The following GLP1R variants were observed in gnomAD, a reference collection of about 807,000 sequenced individuals.
The protein encoded by GLP1R is glucagon like peptide 1 receptor.
Under a neutral mutation model 68.4 loss-of-function variants are expected in GLP1R, and 32 were observed. The observed-to-expected ratio is 0.47, with a 90% CI of 0.35 to 0.63. GLP1R has a LOEUF of 0.63. Among genes scored for constraint, GLP1R ranks in the 20% least tolerant of loss-of-function variants. The probability of loss-of-function intolerance (pLI) is 0.00; values close to 1 mark genes in which losing one functional copy is unlikely to be tolerated. For missense variants in GLP1R, 502 were observed against 594.9 expected (o/e 0.84, Z 1.62); for synonymous variants, 263 against 244.4 (o/e 1.08, Z -0.71).
intron 1 of GLP1R, among the ~76,000 whole-genome samples, chr6:39,053,410 T>C (rs1425030964): frequency 1.3e-5 from 2 of 152,240 alleles, no homozygotes. Context: ...TTAAGCAGAA[T>C]GATTGGTCAT....
chr6:39,081,464 A>C (rs1769012628), intron 12 of GLP1R, among the ~76,000 whole-genome samples: 1 of 152,142 alleles, frequency 6.6e-6, no homozygotes, highest in South Asian at 2.1e-4. Flanking sequence ...TCTCCTGAAA[A>C]TGTCTGCAGG....
At chr6:39,084,937 G>A (rs948393190) in intron 12 of GLP1R, among the ~76,000 whole-genome samples, 7 of 152,154 alleles carry the variant, frequency 4.6e-5, no homozygotes, top group Non-Finnish European at 8.8e-5. Context: ...TTGGCCTAAA[G>A]GGAAGGGCCC....
chr6:39,076,028 C>A (rs1163198734), intron 7 of GLP1R, among the ~76,000 whole-genome samples: 1 of 152,164 alleles, frequency 6.6e-6, no homozygotes, highest in Non-Finnish European at 1.5e-5. Flanking sequence ...TGCAGCAGGG[C>A]TTTCGTGACT....
At chr6:39,053,203 T>A (rs1768128610) in intron 1 of GLP1R, among the ~76,000 whole-genome samples, 1 of 152,164 alleles carries the variant, frequency 6.6e-6, no homozygotes, top group Non-Finnish European at 1.5e-5. Context: ...CTGGATTGCA[T>A]CCTTCCCGCT....
rs1172319568 is a variant in GLP1R at position 39,057,589 on chromosome 6, C to G, written c.283+10C>G. The G allele has an allele frequency of 2.6e-6, 4 of 1,521,902 alleles. No homozygotes were observed. Among genetic ancestry groups the G allele is most frequent in the Non-Finnish European group, 1.8e-6 (2 of 1,109,228 alleles). The allele number at this position is 1,521,902 out of a possible 1,614,324, so 94.3% of individuals were successfully genotyped here. On this transcript the variant is annotated intron_variant, in intron 3 of 12. Transcript: ENST00000373256. ...CCCTGGGCCAGCAGTGGTGAGCCCC[C>G]TCCCCGACCTGGTACCTGCCCTGGG...
chr6:39,073,691 G>A lies in GLP1R; in HGVS notation c.745G>A (p.Val249Met), dbSNP rs144690684. 3.9e-5 allele frequency: 63 copies of A among 1,613,376 alleles called. No individual in the cohort carries two copies. The East Asian group carries it at 5.8e-4, about 15-fold the overall frequency. ...ANYYWLLVEG[V>M]YLYTLLAFSV... ...TTACTACTGGCTCTTGGTGGAGGGCGTGTACCTGTACACACTGCTGGCCTT... is the reference window on the plus strand; with the variant it reads ...TTACTACTGGCTCTTGGTGGAGGGCATGTACCTGTACACACTGCTGGCCTT... The change falls in exon 7 of 13, where the codon GTG becomes ATG. Residue 249 changes from valine (V) to methionine (M), a missense_variant. Coordinates refer to ENST00000373256, the MANE Select transcript of GLP1R (RefSeq NM_002062.5).
intron 1 of GLP1R, among the ~76,000 whole-genome samples, chr6:39,052,163 G>A (rs1405209694): frequency 6.6e-6 from 1 of 151,994 alleles, no homozygotes; most frequent in Admixed American, 6.6e-5. Context: ...GGGTTTTTGT[G>A]ACTGTAAGAA....
At chr6:39,071,702 T>C (rs1450901621) in intron 5 of GLP1R, among the ~76,000 whole-genome samples, 1 of 152,160 alleles carries the variant, frequency 6.6e-6, no homozygotes, top group Non-Finnish European at 1.5e-5. Context: ...GTGCCTTAGC[T>C]ACTGTAGATT....
At chr6:39,078,244 C>G in intron 7 of GLP1R, 78 bp from the exon 8 acceptor site, 1 of 1,006,340 alleles carries the variant, frequency 9.9e-7, no homozygotes, top group Non-Finnish European at 1.6e-6. Context: ...GGGCTTGGGG[C>G]AGGGAGAGGC....
rs1419667435 is a variant in GLP1R, at chr6:39,057,485, C to T, written c.189C>T (p.Asn63=). Residue 63 remains asparagine (N), a synonymous_variant, in exon 3 of 13, where the codon AAC becomes AAT. Transcript: ENST00000373256. ...TTCTGCTCCCAGACTTGTTCTGCAA[C>T]CGGACCTTCGATGAATACGCCTGCT... is the stretch of plus-strand genomic sequence containing the variant. The part of the protein sequence containing the change: ...DPPPATDLFC[N]RTFDEYACWP... The T allele has an allele frequency of 6.2e-7, 1 of 1,611,744 alleles. No individual in the cohort carries two copies.
At chr6:39,073,811 G>C (rs201821616) in intron 7 of GLP1R, 42 bp downstream of exon 7, 23 of 1,584,760 alleles carry the variant, frequency 1.5e-5, no homozygotes, top group African/African-American at 1.3e-5. Flanking sequence ...TGGCACGGGG[G>C]TGGGAGACCT....
chr6:39,073,084 A>G, intron 6 of GLP1R, 69 bp downstream of exon 6: 1 of 1,428,140 alleles, frequency 7.0e-7, no homozygotes, highest in Non-Finnish European at 9.7e-7. Context: ...CTGCCACCCT[A>G]GACAGGCCTG....
intron 5 of GLP1R, among the ~76,000 whole-genome samples, chr6:39,069,800 C>G (rs1768611284): frequency 6.6e-6 from 1 of 152,164 alleles, no homozygotes; most frequent in Non-Finnish European, 1.5e-5. Flanking sequence ...TGTTACATGA[C>G]TCCCCACTCT....
intron 2 of GLP1R, 35 bp downstream of exon 2, chr6:39,056,528 C>T: frequency 9.1e-7 from 1 of 1,096,796 alleles, no homozygotes; most frequent in Non-Finnish European, 1.4e-6. Context: ...TTTAGTGCTC[C>T]CCACCCAACC....
At chr6:39,082,088 C>G (rs1769023639) in intron 12 of GLP1R, among the ~76,000 whole-genome samples, 1 of 152,086 alleles carries the variant, frequency 6.6e-6, no homozygotes, top group African/African-American at 2.4e-5. Context: ...CAGAGGATGC[C>G]GTGCAGAGAA....
At position 39,079,237 on chromosome 6, in the gene GLP1R, G is replaced by GT; in HGVS notation, c.1043+37_1043+38insT. Reference sequence around the variant, plus strand: ...GAGCTGGCTTTACTGAGGACCCTCAGCAAGTGCCCCTTTCCTTCTAGCAGA... The same window carrying GT: ...GAGCTGGCTTTACTGAGGACCCTCAGTCAAGTGCCCCTTTCCTTCTAGCAGA... On this transcript the variant is annotated intron_variant, in intron 10 of 12. Coordinates refer to ENST00000373256, the MANE Select transcript of GLP1R (RefSeq NM_002062.5). The surrounding 1 kb of genome is among the most constrained non-coding windows in gnomAD (Gnocchi z 4.5). The GT allele has an allele frequency of 2.2e-6, 3 of 1,384,002 alleles. No homozygotes were observed. The highest frequency in any genetic ancestry group is 3.1e-6 in the Non-Finnish European group (3 of 969,792). 85.7% of individuals were successfully genotyped at this position (1,384,002 alleles called of 1,614,324 possible).
chr6:39,057,918 C>T (rs1483739223), intron 3 of GLP1R, among the ~76,000 whole-genome samples: 3 of 152,190 alleles, frequency 2.0e-5, no homozygotes, highest in Non-Finnish European at 2.9e-5. Context: ...TCCCCTGTAT[C>T]GAGGAGGCTG....
At chr6:39,054,179 AC>A (rs1266791874) in intron 1 of GLP1R, among the ~76,000 whole-genome samples, 4 of 150,960 alleles carry the variant, frequency 2.6e-5, no homozygotes, top group Admixed American at 2.0e-4. Context: ...TAAAGCATTG[AC>A]CCCCGAGTAG....
rs1768039226 is a variant in GLP1R at position 39,049,590 on chromosome 6, A to G, written c.78+672A>G. Among the ~76,000 whole-genome samples the G allele has an allele frequency of 6.6e-6, 1 of 151,850 alleles. No individual in the cohort carries two copies. The highest frequency in any genetic ancestry group is 6.6e-5 in the Admixed American group (1 of 15,258). ...GGCAGAAGGCTCAGTGCCCCCCTGG[A>G]AGCAGCCAGGCGCCCCCACTCACCC... On this transcript the variant is annotated intron_variant, in intron 1 of 12. Transcript: ENST00000373256. The surrounding 1 kb of genome is among the most constrained non-coding windows in gnomAD (Gnocchi z 4.5).
Sources: gnomAD v4.1 joint callset for allele counts (sites outside exome capture counted in the v4.1 genomes callset) on GRCh38, gnomAD v4.1.1 for gene constraint, Gnocchi (gnomAD v3.1) non-coding constraint, MANE v1.5 for transcripts, NCBI Gene and HGNC (gene_info 2026-07-23, HGNC 2026-07-21) for gene names.